Variants in MYH9 observed in about 807,000 individuals in gnomAD.
MYH9 encodes the protein myosin-9.
In MYH9, 29 loss-of-function variants were observed where a neutral mutation model predicts 241.9. The ratio of observed to expected loss-of-function variants is 0.12; its 90% CI spans 0.09 to 0.16. The LOEUF is 0.16. Among genes scored for constraint, MYH9 ranks in the 10% least tolerant of loss-of-function variants. MYH9 has a pLI of 1.00. For synonymous variants in MYH9, 1,047 were observed against 1,062.6 expected (o/e 0.99, Z 0.29); for missense variants, 1,803 against 2,595.5 (o/e 0.69, Z 6.63).
rs2016637988 is a variant in MYH9 at position 36,288,943 on chromosome 22, A to G, written c.4558-4T>C. The stretch of plus-strand genomic sequence containing the variant: ...TGGACTTCTCCAGCTCGTGGACCTG[A>G]GCCCCAGAGAGCCCAAGTCAGGAGC... On this transcript the variant is annotated splice_polypyrimidine_tract_variant and splice_region_variant and intron_variant, in intron 32 of 40. Transcript: ENST00000216181. The surrounding 1 kb of genome is among the most constrained non-coding windows in gnomAD (Gnocchi z 4.8). 1.2e-6 allele frequency: 2 copies of G among 1,613,502 alleles called. No homozygotes were observed. Among genetic ancestry groups the G allele is most frequent in the Non-Finnish European group, 8.5e-7 (1 of 1,179,988 alleles).
At chr22:36,299,624 A>C (rs2016842700) in intron 23 of MYH9, among the ~76,000 whole-genome samples, 1 of 152,146 alleles carries the variant, frequency 6.6e-6, no homozygotes, top group African/African-American at 2.4e-5. Flanking sequence ...TGTTCTGAGG[A>C]GGCCCGAAAG....
At position 36,288,987 on chromosome 22, in the gene MYH9, C is replaced by G. The variant is rs1569534814; in HGVS notation, c.4558-48G>C. Reference sequence around the variant, plus strand: ...CAGGAGCAAAGGGACTGGCAGGTACCTGGGTCTGCGCGACCCGGAGTCTGT... The same window carrying G: ...CAGGAGCAAAGGGACTGGCAGGTACGTGGGTCTGCGCGACCCGGAGTCTGT... On this transcript the variant is annotated intron_variant, in intron 32 of 40. Coordinates refer to ENST00000216181, the MANE Select transcript of MYH9 (RefSeq NM_002473.6). This position sits in a 1 kb window ranked among gnomAD's most constrained non-coding sequence, Gnocchi z 4.8. 1.2e-6 allele frequency: 2 copies of G among 1,612,884 alleles called. No individual in the cohort carries two copies. The highest frequency in any genetic ancestry group is 1.7e-6 in the Non-Finnish European group (2 of 1,179,860).
At chr22:36,339,530 C>T (rs945932322) in intron 3 of MYH9, among the ~76,000 whole-genome samples, 1 of 152,196 alleles carries the variant, frequency 6.6e-6, no homozygotes, top group African/African-American at 2.4e-5. Flanking sequence ...GCCAAAGACT[C>T]GGCCAAACTT....
intron 3 of MYH9, among the ~76,000 whole-genome samples, chr22:36,332,463 C>T (rs2017436902): frequency 4.6e-5 from 7 of 151,972 alleles, no homozygotes. Context: ...TCCAGGCCAC[C>T]ACGGTAGGCC....
At chr22:36,379,839 G>C (rs1384758093) in intron 1 of MYH9, among the ~76,000 whole-genome samples, 1 of 152,220 alleles carries the variant, frequency 6.6e-6, no homozygotes, top group African/African-American at 2.4e-5. Context: ...GGCTAGCTAA[G>C]GGCCTTCTCT....
chr22:36,302,646 G>T lies in MYH9; in HGVS notation c.2421C>A (p.Thr807=), dbSNP rs754075157. 3 of 1,613,316 alleles carry T rather than the reference G, an allele frequency of 1.9e-6. No homozygotes were observed. The highest frequency in any genetic ancestry group is 2.5e-6 in the Non-Finnish European group (3 of 1,179,908). ...KAFAKRQQQL[T]AMKVLQRNCA... Reference sequence around the variant, plus strand: ...AGTTCCGCTGGAGGACCTTCATGGCGGTAAGCTGCTGCTGCCGCTTGGCAA... The same window carrying T: ...AGTTCCGCTGGAGGACCTTCATGGCTGTAAGCTGCTGCTGCCGCTTGGCAA... The change falls in exon 20 of 41, where the codon ACC becomes ACA. Residue 807 remains threonine (T), a synonymous_variant. Coordinates refer to ENST00000216181, the MANE Select transcript of MYH9 (RefSeq NM_002473.6).
chr22:36,285,611 TG>T lies in MYH9; in HGVS notation c.5274+46del. The stretch of plus-strand genomic sequence containing the variant: ...GCTGGGTCCAAGGCCAGCTCTGCCG[TG>T]GTGGCTCCAGCCAGAGCCCAGAGTG... On this transcript the variant is annotated intron_variant, in intron 37 of 40. Coordinates refer to ENST00000216181, the MANE Select transcript of MYH9 (RefSeq NM_002473.6). This position sits in a 1 kb window ranked among gnomAD's most constrained non-coding sequence, Gnocchi z 7.0. 1 of 1,609,926 alleles carries T rather than the reference TG, an allele frequency of 6.2e-7. No homozygotes were observed.
intron 12 of MYH9, among the ~76,000 whole-genome samples, chr22:36,316,107 G>A (rs377154750): frequency 7.5e-5 from 11 of 146,392 alleles, no homozygotes; most frequent in Admixed American, 2.1e-4. Context: ...GCGTGATCTC[G>A]GCTCACTGCA....
Position 36,301,683 on chromosome 22 carries a change from G to T in MYH9, c.2500-18C>A. 1 of 1,612,238 alleles carries T rather than the reference G, an allele frequency of 6.2e-7. No homozygotes were observed. On this transcript the variant is annotated intron_variant, in intron 20 of 40. Transcript: ENST00000216181. ...GGCTTGACCTGGGAGAGGAGATAGA[G>T]GTAGAGACATGCTCGGCTGGAAGAT...
At chr22:36,301,980 A>G (rs969807408) in intron 20 of MYH9, among the ~76,000 whole-genome samples, 8 of 152,180 alleles carry the variant, frequency 5.3e-5, no homozygotes, top group African/African-American at 9.7e-5. Context: ...TCCCTAGGGA[A>G]CAGCACACTA....
intron 1 of MYH9, among the ~76,000 whole-genome samples, chr22:36,365,472 A>G (rs1202183837): frequency 6.6e-6 from 1 of 151,672 alleles, no homozygotes; most frequent in Non-Finnish European, 1.5e-5. Context: ...TTATTTTTTT[A>G]TTTTATTTTT....
Position 36,296,104 on chromosome 22 carries a change from A to T in MYH9, c.3273-387T>A, listed in dbSNP as rs75585319. Among the ~76,000 whole-genome samples the T allele has an allele frequency of 6.6e-3, 1,010 of 152,342 alleles. 24 individuals carry two copies. The East Asian group carries it at 0.076, about 11-fold the overall frequency. ...TATGACAGGTCAACGTAGGTTCACC[A>T]ATTAGAACAGACACAGCACTGTGGT... On this transcript the variant is annotated intron_variant, in intron 25 of 40. Coordinates refer to ENST00000216181, the MANE Select transcript of MYH9 (RefSeq NM_002473.6).
intron 1 of MYH9, among the ~76,000 whole-genome samples, chr22:36,350,928 A>G (rs1313045947): frequency 6.6e-6 from 1 of 152,028 alleles, no homozygotes; most frequent in Non-Finnish European, 1.5e-5. Flanking sequence ...TTTTCCCTCT[A>G]TGAGATCAAG....
In MYH9 at chr22:36,320,166, G is replaced by A; in HGVS notation, c.1012+54C>T. On this transcript the variant is annotated intron_variant, in intron 9 of 40. Coordinates refer to ENST00000216181, the MANE Select transcript of MYH9 (RefSeq NM_002473.6). The surrounding 1 kb of genome is among the most constrained non-coding windows in gnomAD (Gnocchi z 4.8). ...GGCTACCCTGATGCCCCGAGGCCGT[G>A]GGTACCAGCCTTCCTCTGCCCCACA... The A allele has an allele frequency of 6.2e-7, 1 of 1,612,656 alleles. No homozygotes were observed. The highest frequency in any genetic ancestry group is 8.5e-7 in the Non-Finnish European group (1 of 1,179,766).
At position 36,282,766 on chromosome 22, in the gene MYH9, C is replaced by A; in HGVS notation, c.5785G>T (p.Val1929Phe). Residue 1929 changes from valine (V) to phenylalanine (F), a missense_variant, in exon 41 of 41, where the codon GTC becomes TTC. Around this residue, in one of 11 missense-constraint regions of MYH9, gnomAD observed 876 missense variants for 1,077.8 expected, o/e 0.81. Coordinates refer to ENST00000216181, the MANE Select transcript of MYH9 (RefSeq NM_002473.6). ...NKLRRGDLPF[V>F]VPRRMARKGA... Reference sequence around the variant, plus strand: ...TTCCGGGCCATTCGGCGGGGCACGACAAACGGCAGGTCCCCGCGCCTGGGG... The same window carrying A: ...TTCCGGGCCATTCGGCGGGGCACGAAAAACGGCAGGTCCCCGCGCCTGGGG... 1 of 1,612,238 alleles carries A rather than the reference C, an allele frequency of 6.2e-7. No homozygotes were observed. Among genetic ancestry groups the A allele is most frequent in the East Asian group, 2.2e-5 (1 of 44,888 alleles).
At chr22:36,292,760 G>A (rs74891560) in intron 30 of MYH9, among the ~76,000 whole-genome samples, 2 of 152,212 alleles carry the variant, frequency 1.3e-5, no homozygotes, top group African/African-American at 2.4e-5. Flanking sequence ...ATTAGGCTAC[G>A]GACCCCTTCG....
At chr22:36,326,801 C>A in intron 4 of MYH9, 140 bp from the exon 5 acceptor site, 1 of 739,570 alleles carries the variant, frequency 1.4e-6, no homozygotes. Context: ...AACGGGACTG[C>A]CACATAAACG....
In MYH9 at chr22:36,285,105, G is replaced by C. The variant is rs751204905; in HGVS notation, c.5483+16C>G. On this transcript the variant is annotated intron_variant, in intron 38 of 40. Transcript: ENST00000216181. This position sits in a 1 kb window ranked among gnomAD's most constrained non-coding sequence, Gnocchi z 7.0. The stretch of plus-strand genomic sequence containing the variant: ...TTCCAGGACAGCTGGGGTTGGGCGG[G>C]GCCAGGGGCACGTACTTGGTCTCGT... 3 of 1,612,628 alleles carry C rather than the reference G, an allele frequency of 1.9e-6. No individual in the cohort carries two copies. The highest frequency in any genetic ancestry group is 2.7e-5 in the African/African-American group (2 of 74,886).
At chr22:36,315,214 A>G (rs2017131168) in intron 12 of MYH9, among the ~76,000 whole-genome samples, 1 of 152,204 alleles carries the variant, frequency 6.6e-6, no homozygotes, top group Admixed American at 6.5e-5. Context: ...TCTGATTTCT[A>G]TTGGTGACAG....
Sources: allele counts gnomAD v4.1 joint callset (sites outside exome capture counted in the v4.1 genomes callset), GRCh38; gene constraint gnomAD v4.1.1; regional missense constraint gnomAD v4.1.1; non-coding constraint Gnocchi (gnomAD v3.1); transcripts MANE v1.5; gene names NCBI Gene and HGNC (gene_info 2026-07-23, HGNC 2026-07-21).